The following C1QTNF3 variants were observed in gnomAD, a reference collection of about 807,000 sequenced individuals.
C1QTNF3 encodes complement C1q tumor necrosis factor-related protein 3.
In C1QTNF3, 26 loss-of-function variants were observed where a neutral mutation model predicts 32.6. The observed-to-expected ratio is 0.80, with a 90% CI of 0.58 to 1.11. The LOEUF (loss-of-function observed/expected upper bound fraction) is 1.11, where lower values mean the gene tolerates loss of function less well. Among genes scored for constraint, C1QTNF3 ranks in the 50% least tolerant of loss-of-function variants. The probability of loss-of-function intolerance (pLI) is 0.00; values close to 1 mark genes in which losing one functional copy is unlikely to be tolerated. For synonymous variants in C1QTNF3, 155 were observed against 146.0 expected (o/e 1.06, Z -0.44); for missense variants, 362 against 398.2 (o/e 0.91, Z 0.77).
At chr5:34,176,313 T>C in the C1QTNF3 span, among the ~76,000 whole-genome samples, 1 of 148,448 alleles carries the variant, frequency 6.7e-6, no homozygotes, top group Admixed American at 6.7e-5. Flanking sequence ...AGATGACGAG[T>C]TAGTGGGTGC....
At chr5:34,056,053 A>G in the C1QTNF3 span, among the ~76,000 whole-genome samples, 5 of 152,180 alleles carry the variant, frequency 3.3e-5, no homozygotes, top group Non-Finnish European at 7.3e-5. Flanking sequence ...CCCTTCTCCA[A>G]TTTAGAAATG....
chr5:34,133,032 AC>A, the C1QTNF3 span, among the ~76,000 whole-genome samples: 1 of 152,192 alleles, frequency 6.6e-6, no homozygotes, highest in South Asian at 2.1e-4. Flanking sequence ...GAGAACAAAC[AC>A]TGTAAGGAGT....
the C1QTNF3 span, among the ~76,000 whole-genome samples, chr5:34,183,199 G>C: frequency 1.3e-5 from 2 of 152,054 alleles, no homozygotes; most frequent in African/African-American, 4.8e-5. Context: ...GGATGGTCTT[G>C]ATCTCCTGAC....
At chr5:34,089,777 A>G in the C1QTNF3 span, among the ~76,000 whole-genome samples, 1 of 152,346 alleles carries the variant, frequency 6.6e-6, no homozygotes, top group African/African-American at 2.4e-5. Flanking sequence ...CAGAAGTGAT[A>G]TTATGGCTGG....
At chr5:34,140,949 A>G in the C1QTNF3 span, among the ~76,000 whole-genome samples, 1 of 152,186 alleles carries the variant, frequency 6.6e-6, no homozygotes, top group East Asian at 1.9e-4. Context: ...ATAAATGTCC[A>G]TTTTTGGTTA....
At chr5:34,143,558 G>C in the C1QTNF3 span, among the ~76,000 whole-genome samples, 2 of 152,104 alleles carry the variant, frequency 1.3e-5, no homozygotes, top group Non-Finnish European at 1.5e-5. Context: ...ATTATATACA[G>C]ACAGAACCCC....
At chr5:34,028,639 T>G (rs1754535691) in intron 4 of C1QTNF3, 115 bp downstream of exon 4, 2 of 910,032 alleles carry the variant, frequency 2.2e-6, no homozygotes, top group South Asian at 5.6e-5. Flanking sequence ...ACTCCCTTCC[T>G]CCTTCTTTCT....
chr5:34,031,263 C>T (rs971379985), intron 3 of C1QTNF3, among the ~76,000 whole-genome samples: 3 of 152,154 alleles, frequency 2.0e-5, no homozygotes, highest in African/African-American at 7.2e-5. Context: ...TTCCCTCCTT[C>T]ACAATCTGTG....
At chr5:34,089,937 A>G in the C1QTNF3 span, among the ~76,000 whole-genome samples, 1 of 152,260 alleles carries the variant, frequency 6.6e-6, no homozygotes, top group African/African-American at 2.4e-5. Flanking sequence ...GGAGTCAGTT[A>G]TGACGGAGCT....
chr5:34,153,871 A>G, the C1QTNF3 span, among the ~76,000 whole-genome samples: 2 of 150,402 alleles, frequency 1.3e-5, no homozygotes, highest in Non-Finnish European at 3.0e-5. Context: ...AAAAAAAAAA[A>G]AAAACAAAAG....
At chr5:34,169,662 A>G in the C1QTNF3 span, among the ~76,000 whole-genome samples, 1 of 152,042 alleles carries the variant, frequency 6.6e-6, no homozygotes, top group African/African-American at 2.4e-5. Context: ...CAACTTGCCT[A>G]TTTTTTGTTT....
At chr5:34,065,300 A>G in the C1QTNF3 span, among the ~76,000 whole-genome samples, 1 of 152,286 alleles carries the variant, frequency 6.6e-6, no homozygotes, top group South Asian at 2.1e-4. Flanking sequence ...TGCTCATTAC[A>G]CATCGTAAGA....
intron 3 of C1QTNF3, 76 bp downstream of exon 3, chr5:34,033,228 C>A: frequency 6.6e-7 from 1 of 1,522,810 alleles, no homozygotes; most frequent in South Asian, 1.2e-5. Context: ...AGGAAGCGCT[C>A]GAACATCCTG....
chr5:34,116,410 G>C, the C1QTNF3 span, among the ~76,000 whole-genome samples: 1 of 152,156 alleles, frequency 6.6e-6, no homozygotes, highest in Non-Finnish European at 1.5e-5. Flanking sequence ...TATTCTCATT[G>C]AAAGAGGTAT....
Position 34,033,349 on chromosome 5 carries a change from G to A in C1QTNF3, c.525C>T (p.Gly175=), listed in dbSNP as rs1355398003. 3 of 1,613,806 alleles carry A rather than the reference G, an allele frequency of 1.9e-6. No individual in the cohort carries two copies. Among genetic ancestry groups the A allele is most frequent in the South Asian group, 1.1e-5 (1 of 91,044 alleles). ...LGPRGERGQH[G]PKGEKGYPGI... ...CCGGGTAGCCCTTCTCTCCTTTGGGGCCATGCTGCCCCCGCTCCCCTCGAG... is the reference window on the plus strand; with the variant it reads ...CCGGGTAGCCCTTCTCTCCTTTGGGACCATGCTGCCCCCGCTCCCCTCGAG... Residue 175 remains glycine (G), a synonymous_variant, in exon 3 of 6, where the codon GGC becomes GGT. Transcript: ENST00000382065.
the C1QTNF3 span, among the ~76,000 whole-genome samples, chr5:34,170,368 C>T: frequency 8.5e-5 from 13 of 152,080 alleles, no homozygotes; most frequent in East Asian, 1.5e-3. Context: ...AATATAGTGC[C>T]AATAGTTTAT....
chr5:34,027,967 C>G (rs1342748615), intron 4 of C1QTNF3, among the ~76,000 whole-genome samples: 1 of 151,794 alleles, frequency 6.6e-6, no homozygotes, highest in African/African-American at 2.4e-5. Context: ...TATTCATTTG[C>G]ATAAACAAGC....
chr5:34,061,862 A>T, the C1QTNF3 span, among the ~76,000 whole-genome samples: 2 of 152,146 alleles, frequency 1.3e-5, no homozygotes, highest in Non-Finnish European at 2.9e-5. Context: ...GGTCTTGGGG[A>T]TTAACATTTG....
chr5:34,180,470 T>C, the C1QTNF3 span, among the ~76,000 whole-genome samples: 1 of 152,218 alleles, frequency 6.6e-6, no homozygotes, highest in Non-Finnish European at 1.5e-5. Flanking sequence ...CGAGCTATGA[T>C]TGCACCACTG....
Sources: allele counts gnomAD v4.1 joint callset (sites outside exome capture counted in the v4.1 genomes callset), GRCh38; gene constraint gnomAD v4.1.1; transcripts MANE v1.5; gene names NCBI Gene and HGNC (gene_info 2026-07-23, HGNC 2026-07-21).